Variants in CACNA2D3 observed in about 807,000 individuals in gnomAD.
CACNA2D3 encodes calcium voltage-gated channel auxiliary subunit alpha2delta 3, also known as voltage-dependent calcium channel subunit alpha-2/delta-3.
A neutral mutation model predicts 160.6 loss-of-function variants in CACNA2D3; 60 were observed. That is an observed-to-expected ratio of 0.37 (90% CI 0.30 to 0.46). CACNA2D3 has a LOEUF of 0.46. Ranked by LOEUF, CACNA2D3 falls within the 20% of genes least tolerant of loss-of-function variation. CACNA2D3 has a pLI of 1.00. For missense variants in CACNA2D3, 1,205 were observed against 1,365.0 expected, an observed-to-expected ratio of 0.88 and a Z score of 1.85; for synonymous variants, 558 against 492.9, an observed-to-expected ratio of 1.13 and a Z score of -1.75.
At chr3:54,136,360 A>G (rs2107260874) in intron 2 of CACNA2D3, among the ~76,000 whole-genome samples, 1 of 152,318 alleles carries the variant, frequency 6.6e-6, no homozygotes, top group East Asian at 1.9e-4. Context: ...CAGATGATCA[A>G]ATGCTTTCTT....
At chr3:54,406,884 G>A (rs918581408) in intron 4 of CACNA2D3, among the ~76,000 whole-genome samples, 11 of 151,998 alleles carry the variant, frequency 7.2e-5, no homozygotes, top group Admixed American at 3.3e-4. Flanking sequence ...TTGTTCCACT[G>A]TAGTCACCAT....
chr3:54,933,056 CCTTCCTTCCTT>C (rs1559635635), intron 27 of CACNA2D3, among the ~76,000 whole-genome samples: 32 of 6,894 alleles, frequency 4.6e-3, no homozygotes, highest in South Asian at 0.016. Context: ...TCCCTCCCTT[CCTTCCTTCCTT>C]CCTTCCTTCC....
intron 4 of CACNA2D3, among the ~76,000 whole-genome samples, chr3:54,455,111 G>T (rs1243300552): frequency 6.6e-6 from 1 of 152,082 alleles, no homozygotes; most frequent in Non-Finnish European, 1.5e-5. Flanking sequence ...TATATACCCA[G>T]TAGGGGGATT....
At chr3:54,885,011 C>T (rs754018592) in intron 21 of CACNA2D3, among the ~76,000 whole-genome samples, 1 of 152,150 alleles carries the variant, frequency 6.6e-6, no homozygotes, top group Non-Finnish European at 1.5e-5. Context: ...TGTGTATCCT[C>T]TATCTTCAAG....
chr3:54,756,646 C>G (rs1701976290), intron 12 of CACNA2D3, among the ~76,000 whole-genome samples: 1 of 152,130 alleles, frequency 6.6e-6, no homozygotes, highest in African/African-American at 2.4e-5. Flanking sequence ...CTGGGCCTGA[C>G]CACAGAATGA....
At chr3:54,454,368 G>A (rs775191149) in intron 4 of CACNA2D3, among the ~76,000 whole-genome samples, 15 of 151,976 alleles carry the variant, frequency 9.9e-5, no homozygotes, top group South Asian at 2.1e-4. Flanking sequence ...CTTGTACCCC[G>A]GTGTAGTCAG....
intron 27 of CACNA2D3, chr3:54,925,188 A>G (rs1205816485): frequency 1.9e-6 from 3 of 1,612,904 alleles, no homozygotes; most frequent in Admixed American, 1.7e-5. Flanking sequence ...GAGCAGGACA[A>G]TCACACTGGA....
At chr3:55,073,090 A>G (rs1704850640) in intron 35 of CACNA2D3, among the ~76,000 whole-genome samples, 1 of 152,164 alleles carries the variant, frequency 6.6e-6, no homozygotes. Context: ...ACTTGGGGTA[A>G]TGTTTAGGCT....
chr3:54,470,684 C>T (rs1391953728), intron 4 of CACNA2D3, among the ~76,000 whole-genome samples: 1 of 151,108 alleles, frequency 6.6e-6, no homozygotes, highest in Non-Finnish European at 1.5e-5. Context: ...TATTCAAAGG[C>T]ACCCATAGGC....
intron 2 of CACNA2D3, among the ~76,000 whole-genome samples, chr3:54,207,873 T>C (rs1474252208): frequency 6.6e-6 from 1 of 152,148 alleles, no homozygotes; most frequent in Non-Finnish European, 1.5e-5. Flanking sequence ...GCATCTATTC[T>C]CATGACACTT....
chr3:54,726,997 A>T (rs596191), intron 11 of CACNA2D3, among the ~76,000 whole-genome samples: 24,479 of 152,208 alleles, frequency 0.16, 2,454 homozygotes, highest in Non-Finnish European at 0.22. Context: ...ATGGGAGAAG[A>T]TTTTTGCAAT....
intron 2 of CACNA2D3, among the ~76,000 whole-genome samples, chr3:54,208,161 A>G (rs1159596468): frequency 6.6e-6 from 1 of 152,078 alleles, no homozygotes; most frequent in Non-Finnish European, 1.5e-5. Flanking sequence ...GCTGGAGTGC[A>G]ATGGTGCGAT....
At chr3:54,678,830 T>A (rs1575419118) in intron 11 of CACNA2D3, among the ~76,000 whole-genome samples, 1 of 148,768 alleles carries the variant, frequency 6.7e-6, no homozygotes, top group Non-Finnish European at 1.5e-5. Context: ...AAAAATTAAA[T>A]GATAATGAAT....
chr3:54,530,511 C>A (rs550934916), intron 5 of CACNA2D3, among the ~76,000 whole-genome samples: 18 of 152,332 alleles, frequency 1.2e-4, no homozygotes, highest in Admixed American at 1.2e-3. Context: ...CATTTCCTCA[C>A]AAGACCAGCC....
intron 9 of CACNA2D3, among the ~76,000 whole-genome samples, chr3:54,605,111 C>G (rs1703141681): frequency 6.6e-6 from 1 of 152,164 alleles, no homozygotes; most frequent in Non-Finnish European, 1.5e-5. Context: ...TTCCTGTCCT[C>G]TGTCTTCACG....
chr3:54,904,518 A>C (rs1294877994), intron 27 of CACNA2D3, among the ~76,000 whole-genome samples: 1 of 152,268 alleles, frequency 6.6e-6, no homozygotes, highest in East Asian at 1.9e-4. Flanking sequence ...GTAAAATATT[A>C]AATAATGAAA....
intron 35 of CACNA2D3, among the ~76,000 whole-genome samples, chr3:55,040,420 T>A (rs762648026): frequency 3.9e-5 from 6 of 152,198 alleles, no homozygotes; most frequent in Non-Finnish European, 7.3e-5. Context: ...ATATCAATAT[T>A]GTTGCTAAAA....
intron 11 of CACNA2D3, among the ~76,000 whole-genome samples, chr3:54,642,982 G>A (rs890923987): frequency 6.6e-6 from 1 of 152,026 alleles, no homozygotes; most frequent in Non-Finnish European, 1.5e-5. Context: ...TTCTCAGTGG[G>A]CACCAGCCAG....
chr3:54,550,659 C>T (rs1055928928), intron 5 of CACNA2D3, among the ~76,000 whole-genome samples: 2 of 152,180 alleles, frequency 1.3e-5, no homozygotes, highest in Non-Finnish European at 2.9e-5. Context: ...TTTGGGGACA[C>T]GTTTCCCTGT....
Sources: gnomAD v4.1 joint callset for allele counts (sites outside exome capture counted in the v4.1 genomes callset) on GRCh38, gnomAD v4.1.1 for gene constraint, MANE v1.5 for transcripts, NCBI Gene and HGNC (gene_info 2026-07-23, HGNC 2026-07-21) for gene names.